Variants in CSMD3 observed in about 807,000 individuals in gnomAD.
The protein encoded by CSMD3 is CUB and Sushi multiple domains 3.
CSMD3 carries 177 observed loss-of-function variants against 435.2 expected under a neutral mutation model. That is an observed-to-expected ratio of 0.41 (90% CI 0.36 to 0.46). The LOEUF is 0.46. CSMD3 is among the 20% of genes least tolerant of loss of function. The probability of loss-of-function intolerance (pLI) is 0.34; values close to 1 mark genes in which losing one functional copy is unlikely to be tolerated. For missense variants in CSMD3, 4,265 were observed against 4,504.6 expected, an observed-to-expected ratio of 0.95 and a Z score of 1.52; for synonymous variants, 1,656 against 1,520.5, an observed-to-expected ratio of 1.09 and a Z score of -2.07.
intron 10 of CSMD3, among the ~76,000 whole-genome samples, chr8:112,909,434 G>A (rs2082347734): frequency 3.3e-5 from 5 of 150,762 alleles, no homozygotes; most frequent in South Asian, 4.2e-4. Context: ...TCAAATAATC[G>A]AAATAAGCCA....
intron 2 of CSMD3, among the ~76,000 whole-genome samples, chr8:113,304,914 TA>T (rs71281210): frequency 0.22 from 25,836 of 119,808 alleles, 2,279 homozygotes; most frequent in African/African-American, 0.37. Flanking sequence ...TAAAGTATAA[TA>T]AAAAAAAAAA....
At chr8:112,449,792 GGC>G (rs1365517457) in intron 32 of CSMD3, among the ~76,000 whole-genome samples, 14 of 152,026 alleles carry the variant, frequency 9.2e-5, no homozygotes, top group Non-Finnish European at 1.6e-4. Context: ...GCACGATCTC[GGC>G]TCACTGCATC....
intron 30 of CSMD3, among the ~76,000 whole-genome samples, chr8:112,498,144 T>G (rs1415499949): frequency 6.6e-6 from 1 of 152,114 alleles, no homozygotes; most frequent in South Asian, 2.1e-4. Flanking sequence ...GTAAATCATT[T>G]TAACAATTCG....
intron 3 of CSMD3, among the ~76,000 whole-genome samples, chr8:113,176,999 T>C (rs1024605343): frequency 2.0e-5 from 3 of 151,608 alleles, no homozygotes; most frequent in Non-Finnish European, 4.4e-5. Context: ...ATGTTGTAAG[T>C]ATTTACAGTA....
At chr8:112,750,868 G>A (rs1455442585) in intron 13 of CSMD3, among the ~76,000 whole-genome samples, 1 of 152,022 alleles carries the variant, frequency 6.6e-6, no homozygotes, top group Non-Finnish European at 1.5e-5. Flanking sequence ...CCACTTATAT[G>A]TGGCCTTTTT....
chr8:113,282,037 G>A (rs2093616413), intron 2 of CSMD3, among the ~76,000 whole-genome samples: 1 of 151,860 alleles, frequency 6.6e-6, no homozygotes, highest in Non-Finnish European at 1.5e-5. Flanking sequence ...TTTCTGCTGA[G>A]AAATCTGCTG....
At chr8:112,437,775 T>C (rs1290050291) in intron 32 of CSMD3, among the ~76,000 whole-genome samples, 1 of 152,108 alleles carries the variant, frequency 6.6e-6, no homozygotes, top group Non-Finnish European at 1.5e-5. Flanking sequence ...ACAAGTATGG[T>C]GAATTCAGTA....
At chr8:112,890,047 GA>G (rs1437468531) in intron 10 of CSMD3, among the ~76,000 whole-genome samples, 4 of 151,600 alleles carry the variant, frequency 2.6e-5, no homozygotes, top group Admixed American at 1.3e-4. Flanking sequence ...AGAAAACACA[GA>G]AAAAAAGCAC....
chr8:112,744,118 C>T (rs879529840), intron 13 of CSMD3, among the ~76,000 whole-genome samples: 5 of 151,990 alleles, frequency 3.3e-5, no homozygotes, highest in Non-Finnish European at 7.4e-5. Context: ...CTCAGATGTA[C>T]TTCTGGAAAT....
intron 36 of CSMD3, among the ~76,000 whole-genome samples, chr8:112,384,203 T>C (rs1427194228): frequency 3.3e-5 from 5 of 152,204 alleles, no homozygotes; most frequent in African/African-American, 9.6e-5. Flanking sequence ...TAAAAATTTT[T>C]AACACGCATA....
chr8:113,180,356 T>C (rs2092406172), intron 3 of CSMD3, among the ~76,000 whole-genome samples: 1 of 151,980 alleles, frequency 6.6e-6, no homozygotes, highest in Non-Finnish European at 1.5e-5. Context: ...AATGGTATAG[T>C]TTGGAATTTA....
intron 1 of CSMD3, among the ~76,000 whole-genome samples, chr8:113,330,592 A>C (rs763085931): frequency 4.5e-4 from 68 of 152,082 alleles, no homozygotes; most frequent in African/African-American, 8.2e-4. Flanking sequence ...GTAAAATAAA[A>C]GGATGGCAAA....
At chr8:113,188,163 C>A (rs2092535277) in intron 3 of CSMD3, among the ~76,000 whole-genome samples, 1 of 151,942 alleles carries the variant, frequency 6.6e-6, no homozygotes, top group Admixed American at 6.6e-5. Context: ...GCTCAAAAGT[C>A]TTTAAACATA....
At chr8:112,382,821 C>T (rs1307566864) in intron 37 of CSMD3, among the ~76,000 whole-genome samples, 1 of 152,068 alleles carries the variant, frequency 6.6e-6, no homozygotes, top group African/African-American at 2.4e-5. Context: ...GAAACCCCAT[C>T]TCTACCAAAA....
chr8:112,297,696 C>T (rs979439683), intron 53 of CSMD3, among the ~76,000 whole-genome samples: 4 of 151,992 alleles, frequency 2.6e-5, no homozygotes, highest in Middle Eastern at 3.4e-3. Context: ...GTAATACGTA[C>T]GTAGAAAATT....
intron 6 of CSMD3, among the ~76,000 whole-genome samples, chr8:112,990,820 C>A (rs1448953863): frequency 6.6e-6 from 1 of 151,832 alleles, no homozygotes; most frequent in Admixed American, 6.6e-5. Flanking sequence ...ATAATGCCAG[C>A]AGACACAGTC....
intron 6 of CSMD3, among the ~76,000 whole-genome samples, chr8:113,013,010 CAAAG>C (rs1344946113): frequency 3.3e-5 from 5 of 151,870 alleles, no homozygotes; most frequent in African/African-American, 1.2e-4. Context: ...GAAAGAAAAA[CAAAG>C]ATAGAAAAAA....
chr8:112,878,549 A>G (rs906539733), intron 10 of CSMD3, among the ~76,000 whole-genome samples: 2 of 152,190 alleles, frequency 1.3e-5, no homozygotes, highest in African/African-American at 4.8e-5. Flanking sequence ...CATTTGATCC[A>G]GCAATCTCAT....
At chr8:113,001,851 C>CTCTT (rs2085875976) in intron 6 of CSMD3, among the ~76,000 whole-genome samples, 1 of 152,040 alleles carries the variant, frequency 6.6e-6, no homozygotes. Flanking sequence ...ACTTGCCCTT[C>CTCTT]TCTTTTACCA....
Sources: gnomAD v4.1 joint callset for allele counts (sites outside exome capture counted in the v4.1 genomes callset) on GRCh38, gnomAD v4.1.1 for gene constraint, MANE v1.5 for transcripts, NCBI Gene and HGNC (gene_info 2026-07-23, HGNC 2026-07-21) for gene names.